ZNF730: variants seen among roughly 807,000 people sequenced by gnomAD.
ZNF730 encodes the protein putative zinc finger protein 730.
Under a neutral mutation model 12.6 loss-of-function variants are expected in ZNF730, and 12 were observed. The ratio of observed to expected loss-of-function variants is 0.95; its 90% CI spans 0.61 to 1.54. The LOEUF (loss-of-function observed/expected upper bound fraction) is 1.54. Ranked by LOEUF, ZNF730 falls within the 40% of genes most tolerant of loss-of-function variation. ZNF730 has a pLI of 0.00. For missense variants in ZNF730, 643 were observed against 583.5 expected, an observed-to-expected ratio of 1.10 and a Z score of -1.05; for synonymous variants, 194 against 195.8, an observed-to-expected ratio of 0.99 and a Z score of 0.08.
At chr19:23,106,131 A>G (rs986281592) in intron 1 of ZNF730, among the ~76,000 whole-genome samples, 1 of 152,052 alleles carries the variant, frequency 6.6e-6, no homozygotes. Flanking sequence ...ACCTTCCTAA[A>G]AAAAAGAAGA....
chr19:23,134,314 TTTTTTTTTTAA>T (rs1970790718), intron 2 of ZNF730, 108 bp downstream of exon 2: 1 of 968,286 alleles, frequency 1.0e-6, no homozygotes, highest in Non-Finnish European at 1.4e-6. Flanking sequence ...TTCTTTTTCT[TTTTTTTTTTAA>T]GTCCTCAGGA....
At chr19:23,137,710 A>G (rs1185098846) in intron 3 of ZNF730, among the ~76,000 whole-genome samples, 7 of 152,198 alleles carry the variant, frequency 4.6e-5, no homozygotes, top group Non-Finnish European at 1.0e-4. Context: ...AACTGGCTTC[A>G]AGATGTAAAG....
At chr19:23,124,353 C>T (rs1037995) in intron 1 of ZNF730, among the ~76,000 whole-genome samples, 1 of 152,124 alleles carries the variant, frequency 6.6e-6, no homozygotes, top group Admixed American at 6.5e-5. Context: ...TATCCAGAGC[C>T]ATAACCACAA....
At chr19:23,080,735 C>A (rs554166621) in intron 1 of ZNF730, among the ~76,000 whole-genome samples, 1 of 152,188 alleles carries the variant, frequency 6.6e-6, no homozygotes, top group African/African-American at 2.4e-5. Context: ...TTGCCAAACC[C>A]ATTGTCATGA....
intron 1 of ZNF730, among the ~76,000 whole-genome samples, chr19:23,124,965 A>G (rs1168571448): frequency 1.3e-5 from 2 of 152,182 alleles, no homozygotes; most frequent in Non-Finnish European, 2.9e-5. Flanking sequence ...AGGAACCCAG[A>G]TGGAGGTGAT....
rs980166701 is a variant in ZNF730, at chr19:23,109,848, A to G, written c.-93-24232A>G. Among the ~76,000 whole-genome samples the G allele has an allele frequency of 2.6e-4, 38 of 148,642 alleles. 1 individual carries two copies. Among genetic ancestry groups the G allele is most frequent in the African/African-American group, 9.4e-4 (38 of 40,442 alleles). ...AGGCGTGAGCCACCGTGCCCAGCCA[A>G]TGTATGAAATTTCTAAAAATCTAAT... is the stretch of plus-strand genomic sequence containing the variant. On this transcript the variant is annotated intron_variant, in intron 1 of 2. Transcript: ENST00000593635.
At position 23,080,842 on chromosome 19, in the gene ZNF730, CTTTTCTTTTTTTTT is replaced by C. The variant is rs1969950956; in HGVS notation, c.-94+5460_-94+5473del. Among the ~76,000 whole-genome samples, 12 of 140,156 alleles carry C rather than the reference CTTTTCTTTTTTTTT, an allele frequency of 8.6e-5. No homozygotes were observed. The South Asian group carries it at 2.7e-3, about 31-fold the overall frequency. The allele number at this position is 140,156 out of a possible 152,430, so 91.9% of individuals were successfully genotyped here. On this transcript the variant is annotated intron_variant, in intron 1 of 2. Coordinates refer to the ZNF730 transcript ENST00000593635. ...TTTTTTTCTGTTTTGTTTCTTTTTT[CTTTTCTTTTTTTTT>C]TTTTTTTGAGATGGAGTCTTGCTCT...
At chr19:23,117,664 A>G (rs1970548815) in intron 1 of ZNF730, among the ~76,000 whole-genome samples, 1 of 152,198 alleles carries the variant, frequency 6.6e-6, no homozygotes, top group South Asian at 2.1e-4. Flanking sequence ...CTTGTTATCC[A>G]TGGGACGGGC....
intron 1 of ZNF730, chr19:23,128,020 A>G (rs1970692202): frequency 1.3e-6 from 1 of 751,684 alleles, no homozygotes; most frequent in Non-Finnish European, 2.4e-6. Flanking sequence ...CATGGACAAG[A>G]TCTGTGAAGG....
At chr19:23,081,697 C>T (rs1969969047) in intron 1 of ZNF730, among the ~76,000 whole-genome samples, 1 of 152,180 alleles carries the variant, frequency 6.6e-6, no homozygotes, top group Non-Finnish European at 1.5e-5. Context: ...TCAAGTGATT[C>T]ACCCACCTCG....
chr19:23,145,576 T>A lies in ZNF730; in HGVS notation c.532T>A (p.Cys178Ser). 1 of 1,544,078 alleles carries A rather than the reference T, an allele frequency of 6.5e-7. No homozygotes were observed. Among genetic ancestry groups the A allele is most frequent in the Non-Finnish European group, 8.7e-7 (1 of 1,145,934 alleles). ...TSKKPFKCKE[C>S]GKLFCILSHL... Reference sequence around the variant, plus strand: ...GAAGAAACCTTTCAAATGTAAAGAATGTGGAAAATTATTTTGCATTCTTTC... The same window carrying A: ...GAAGAAACCTTTCAAATGTAAAGAAAGTGGAAAATTATTTTGCATTCTTTC... Residue 178 changes from cysteine to serine, a missense_variant, in exon 4 of 4, where the codon TGT becomes AGT. Transcript: ENST00000597761.
chr19:23,135,431 T>G (rs1970814919), intron 2 of ZNF730, among the ~76,000 whole-genome samples: 1 of 151,828 alleles, frequency 6.6e-6, no homozygotes, highest in African/African-American at 2.4e-5. Flanking sequence ...CATCACCAAT[T>G]TTTGAATTAG....
intron 1 of ZNF730, among the ~76,000 whole-genome samples, chr19:23,099,523 G>A (rs1468942866): frequency 3.3e-5 from 5 of 152,144 alleles, no homozygotes; most frequent in African/African-American, 4.8e-5. Context: ...TTGAATGTTG[G>A]AAAATGGACT....
rs1435467886 is a variant in ZNF730, at chr19:23,145,729, A to T, written c.685A>T (p.Lys229Ter). The part of the protein sequence containing the change: ...HKRITEKKPY[K>*]CKECGKAFNW... ...AAGAATTACTGAGAAAAAACCTTAC[A>T]AATGTAAAGAATGTGGCAAAGCCTT... Residue 229 changes from lysine (K) to a stop codon, truncating the protein, a stop_gained, in exon 4 of 4, where the codon AAA becomes TAA. Coordinates refer to ENST00000597761, the MANE Select transcript of ZNF730 (RefSeq NM_001277403.2). LOFTEE classifies it low-confidence loss of function (END_TRUNC). 1 of 1,558,790 alleles carries T rather than the reference A, an allele frequency of 6.4e-7. No individual in the cohort carries two copies. The highest frequency in any genetic ancestry group is 1.2e-5 in the South Asian group (1 of 85,338).
chr19:23,081,396 T>A (rs1308498782), intron 1 of ZNF730, among the ~76,000 whole-genome samples: 1 of 152,112 alleles, frequency 6.6e-6, no homozygotes, highest in African/African-American at 2.4e-5. Context: ...CTTAGCTTAC[T>A]GCAACCTCCG....
intron 1 of ZNF730, chr19:23,127,939 A>G: frequency 2.9e-6 from 2 of 692,750 alleles, no homozygotes; most frequent in South Asian, 1.6e-5. Context: ...AACCAATTAC[A>G]CTGCAATGTA....
intron 1 of ZNF730, among the ~76,000 whole-genome samples, chr19:23,131,892 C>T (rs1367859049): frequency 6.6e-6 from 1 of 152,036 alleles, no homozygotes; most frequent in East Asian, 1.9e-4. Context: ...TAAGTTGAGG[C>T]CAGAATCAAG....
chr19:23,128,154 C>T, intron 1 of ZNF730: 1 of 897,926 alleles, frequency 1.1e-6, no homozygotes, highest in Non-Finnish European at 1.8e-6. Context: ...TTTTTGGTTC[C>T]CTGAAGAGAG....
intron 1 of ZNF730, among the ~76,000 whole-genome samples, chr19:23,077,180 T>C (rs1043562595): frequency 2.0e-5 from 3 of 152,080 alleles, no homozygotes; most frequent in African/African-American, 7.2e-5. Context: ...CTGGGGTCTA[T>C]TGGAAGGAGG....
Sources: allele counts gnomAD v4.1 joint callset (sites outside exome capture counted in the v4.1 genomes callset), GRCh38; gene constraint gnomAD v4.1.1; transcripts MANE v1.5; gene names NCBI Gene and HGNC (gene_info 2026-07-23, HGNC 2026-07-21).